The following NOL4 variants were observed in gnomAD, a reference collection of about 807,000 sequenced individuals.
NOL4 encodes the protein nucleolar protein 4.
In NOL4, 17 loss-of-function variants were observed where a neutral mutation model predicts 75.9. The observed-to-expected ratio is 0.22, with a 90% CI of 0.15 to 0.34. The LOEUF (loss-of-function observed/expected upper bound fraction) is 0.34, where lower values mean the gene tolerates loss of function less well. NOL4 is among the 10% of genes least tolerant of loss of function. The pLI is 1.00. For synonymous variants in NOL4, 292 were observed against 289.9 expected, an observed-to-expected ratio of 1.01 and a Z score of -0.07; for missense variants, 614 against 793.5, an observed-to-expected ratio of 0.77 and a Z score of 2.72.
At chr18:34,073,445 T>C (rs1470630281) in intron 5 of NOL4, among the ~76,000 whole-genome samples, 1 of 152,066 alleles carries the variant, frequency 6.6e-6, no homozygotes, top group Non-Finnish European at 1.5e-5. Flanking sequence ...ATATAACCTA[T>C]GCACATACTC....
chr18:34,211,830 C>G (rs1195029021), intron 1 of NOL4, among the ~76,000 whole-genome samples: 1 of 152,092 alleles, frequency 6.6e-6, no homozygotes, highest in Admixed American at 6.5e-5. Flanking sequence ...GACTAATTTA[C>G]AATTTCCTCC....
At chr18:34,030,584 G>C (rs1600316327) in intron 5 of NOL4, among the ~76,000 whole-genome samples, 1 of 152,296 alleles carries the variant, frequency 6.6e-6, no homozygotes, top group Admixed American at 6.5e-5. Context: ...GTTGATAGGA[G>C]AGACATGTGT....
intron 9 of NOL4, among the ~76,000 whole-genome samples, chr18:33,903,756 AC>A (rs1245916496): frequency 6.6e-6 from 1 of 152,084 alleles, no homozygotes; most frequent in East Asian, 1.9e-4. Flanking sequence ...AAGGCTTATG[AC>A]CTTTTTGCTT....
intron 1 of NOL4, among the ~76,000 whole-genome samples, chr18:34,146,903 G>A (rs900864072): frequency 3.3e-5 from 5 of 152,000 alleles, no homozygotes; most frequent in Non-Finnish European, 1.5e-5. Context: ...CTTGAGCAGT[G>A]GTTTGTAGTT....
chr18:33,906,741 T>C (rs965887904), intron 9 of NOL4, among the ~76,000 whole-genome samples: 10 of 152,196 alleles, frequency 6.6e-5, no homozygotes, highest in Non-Finnish European at 1.5e-5. Context: ...AAAAGTGTTA[T>C]GTAGATAAAG....
chr18:34,040,824 C>T (rs1302062299), intron 5 of NOL4, among the ~76,000 whole-genome samples: 2 of 151,812 alleles, frequency 1.3e-5, no homozygotes, highest in African/African-American at 4.8e-5. Context: ...CAGGGCAATC[C>T]CATGAGAAAA....
At chr18:33,893,683 A>C (rs1022870072) in intron 9 of NOL4, among the ~76,000 whole-genome samples, 1 of 152,176 alleles carries the variant, frequency 6.6e-6, no homozygotes, top group East Asian at 1.9e-4. Flanking sequence ...AGAAAACTTC[A>C]ATAAAATTAC....
At chr18:34,145,094 A>G (rs902763191) in intron 1 of NOL4, among the ~76,000 whole-genome samples, 15 of 152,248 alleles carry the variant, frequency 9.9e-5, no homozygotes, top group African/African-American at 3.4e-4. Context: ...ATATTGCTCA[A>G]TTATACTAGT....
At chr18:34,084,693 A>T (rs572557476) in intron 5 of NOL4, among the ~76,000 whole-genome samples, 57 of 152,270 alleles carry the variant, frequency 3.7e-4, no homozygotes, top group Middle Eastern at 3.4e-3. Context: ...AATTATAATG[A>T]AATATCCTTT....
chr18:34,053,810 T>A (rs1455722254), intron 5 of NOL4, among the ~76,000 whole-genome samples: 1 of 151,982 alleles, frequency 6.6e-6, no homozygotes, highest in East Asian at 1.9e-4. Context: ...TATAAAATAT[T>A]CAATACTCTA....
chr18:34,052,795 G>T lies in NOL4; in HGVS notation c.773-33194C>A, dbSNP rs187494086. 5.9e-4 allele frequency among the ~76,000 whole-genome samples: 90 copies of T among 152,064 alleles called. No homozygotes were observed. In the Middle Eastern group the frequency reaches 0.01, roughly 17 times the overall value. On this transcript the variant is annotated intron_variant, in intron 5 of 10. Transcript: ENST00000261592. ...GAATCTAGGAGAGAACTTTTTCCTG[G>T]TACAGGGAGGTAGGCTTATGAAATC...
intron 1 of NOL4, among the ~76,000 whole-genome samples, chr18:34,134,254 T>C (rs1355337657): frequency 6.6e-6 from 1 of 152,100 alleles, no homozygotes; most frequent in African/African-American, 2.4e-5. Flanking sequence ...TACTTGGTTG[T>C]AACCAACATA....
intron 5 of NOL4, among the ~76,000 whole-genome samples, chr18:34,032,335 C>A (rs977387244): frequency 3.9e-5 from 6 of 152,140 alleles, no homozygotes; most frequent in African/African-American, 9.7e-5. Context: ...TCACCCCACC[C>A]CTGCCTACCA....
chr18:33,996,872 C>T (rs1374955678), intron 6 of NOL4, among the ~76,000 whole-genome samples: 1 of 150,872 alleles, frequency 6.6e-6, no homozygotes, highest in Non-Finnish European at 1.5e-5. Flanking sequence ...GATTAACATA[C>T]AGGTACATAT....
At chr18:33,960,861 C>T (rs2070058280) in intron 6 of NOL4, among the ~76,000 whole-genome samples, 1 of 152,074 alleles carries the variant, frequency 6.6e-6, no homozygotes, top group African/African-American at 2.4e-5. Flanking sequence ...CACTGTATTT[C>T]TTGACACCAA....
At chr18:34,107,774 T>C (rs1404516070) in intron 2 of NOL4, among the ~76,000 whole-genome samples, 1 of 151,992 alleles carries the variant, frequency 6.6e-6, no homozygotes, top group African/African-American at 2.4e-5. Context: ...GTCACCAAGA[T>C]GGTGAAATAG....
intron 2 of NOL4, among the ~76,000 whole-genome samples, chr18:34,113,997 C>A (rs1485396484): frequency 6.6e-6 from 1 of 152,196 alleles, no homozygotes; most frequent in Non-Finnish European, 1.5e-5. Context: ...TAATATCTTT[C>A]TCGCAATATG....
chr18:34,158,148 C>T (rs961364478), intron 1 of NOL4, among the ~76,000 whole-genome samples: 7 of 152,070 alleles, frequency 4.6e-5, no homozygotes, highest in Admixed American at 1.3e-4. Context: ...CAAAAGCTAC[C>T]GGGGTGCTTT....
chr18:33,960,522 C>T (rs1370969034), intron 6 of NOL4, among the ~76,000 whole-genome samples: 1 of 152,122 alleles, frequency 6.6e-6, no homozygotes, highest in Non-Finnish European at 1.5e-5. Context: ...TCAATCATTT[C>T]TTCCCTCAGC....
Sources: gnomAD v4.1 joint callset for allele counts (sites outside exome capture counted in the v4.1 genomes callset) on GRCh38, gnomAD v4.1.1 for gene constraint, MANE v1.5 for transcripts, NCBI Gene and HGNC (gene_info 2026-07-23, HGNC 2026-07-21) for gene names.